Variants in PDSS2 observed in about 807,000 individuals in gnomAD.
The protein encoded by PDSS2 is decaprenyl diphosphate synthase subunit 2, also known as all trans-polyprenyl-diphosphate synthase PDSS2.
In PDSS2, 31 loss-of-function variants were observed where a neutral mutation model predicts 44.5. The observed-to-expected ratio is 0.70, with a 90% CI of 0.52 to 0.94. PDSS2 has a LOEUF of 0.94. Among genes scored for constraint, PDSS2 ranks in the 40% least tolerant of loss-of-function variants. The probability of loss-of-function intolerance (pLI) is 0.00; values close to 1 mark genes in which losing one functional copy is unlikely to be tolerated. For synonymous variants in PDSS2, 157 were observed against 180.3 expected, an observed-to-expected ratio of 0.87 and a Z score of 1.03; for missense variants, 452 against 482.2, an observed-to-expected ratio of 0.94 and a Z score of 0.59.
intron 2 of PDSS2, among the ~76,000 whole-genome samples, chr6:107,301,142 T>C (rs936491731): frequency 3.3e-5 from 5 of 152,224 alleles, no homozygotes; most frequent in Admixed American, 3.3e-4. Flanking sequence ...TAGCTTTTTA[T>C]AGTATATAAA....
At chr6:107,380,265 G>C (rs980682482) in intron 1 of PDSS2, among the ~76,000 whole-genome samples, 1 of 152,156 alleles carries the variant, frequency 6.6e-6, no homozygotes, top group African/African-American at 2.4e-5. Context: ...TGTTGACGTG[G>C]TAGGAAGGTA....
intron 2 of PDSS2, among the ~76,000 whole-genome samples, chr6:107,317,438 TAC>T (rs1417458879): frequency 6.6e-6 from 1 of 152,206 alleles, no homozygotes; most frequent in African/African-American, 2.4e-5. Context: ...TAGTATGAAC[TAC>T]AGACTTTAAT....
intron 1 of PDSS2, among the ~76,000 whole-genome samples, chr6:107,437,860 T>C (rs968630440): frequency 3.9e-5 from 6 of 152,180 alleles, no homozygotes; most frequent in Non-Finnish European, 7.4e-5. Context: ...CAGAAGATTC[T>C]TTCACTCTCG....
chr6:107,404,857 T>C (rs76525527), intron 1 of PDSS2, among the ~76,000 whole-genome samples: 5,717 of 152,240 alleles, frequency 0.038, 352 homozygotes, highest in African/African-American at 0.13. Context: ...CTGGAAAACC[T>C]TTTTAAAGAA....
intron 4 of PDSS2, among the ~76,000 whole-genome samples, chr6:107,237,537 C>G (rs2114764445): frequency 6.6e-6 from 1 of 152,132 alleles, no homozygotes; most frequent in South Asian, 2.1e-4. Flanking sequence ...GTCACCGTAC[C>G]TGGCCCTGGC....
At chr6:107,173,587 A>AC (rs1562352138) in intron 7 of PDSS2, among the ~76,000 whole-genome samples, 4 of 149,948 alleles carry the variant, frequency 2.7e-5, no homozygotes, top group African/African-American at 9.9e-5. Context: ...AAAAAAAAAA[A>AC]AAAAAAAAAA....
rs1255731463 is a variant in PDSS2, at chr6:107,362,408, G to A, written c.297-28076C>T. On this transcript the variant is annotated intron_variant, in intron 1 of 7. Transcript: ENST00000369037. ...AGTCTTTGGTTGATCACTAAGCTAT[G>A]CAGACACAAGGACAACAACTAGGAA... 2.6e-5 allele frequency among the ~76,000 whole-genome samples: 4 copies of A among 152,168 alleles called. No homozygotes were observed. The East Asian group carries it at 7.7e-4, about 29-fold the overall frequency.
chr6:107,266,000 T>C (rs1029062602), intron 3 of PDSS2, among the ~76,000 whole-genome samples: 1 of 136,954 alleles, frequency 7.3e-6, no homozygotes, highest in African/African-American at 2.5e-5. Flanking sequence ...CAAAGAAATA[T>C]TTATCGCCAC....
intron 7 of PDSS2, among the ~76,000 whole-genome samples, chr6:107,176,230 C>T (rs867237746): frequency 1.3e-5 from 2 of 151,870 alleles, no homozygotes; most frequent in African/African-American, 2.4e-5. Context: ...TTAGTAGAGA[C>T]GGGGTTTCAC....
At chr6:107,435,394 T>C (rs1264115460) in intron 1 of PDSS2, among the ~76,000 whole-genome samples, 2 of 151,992 alleles carry the variant, frequency 1.3e-5, no homozygotes, top group South Asian at 2.1e-4. Context: ...CATTGTCATA[T>C]AGTCACACTT....
intron 7 of PDSS2, among the ~76,000 whole-genome samples, chr6:107,158,001 A>G (rs1770970470): frequency 6.6e-6 from 1 of 151,972 alleles, no homozygotes; most frequent in African/African-American, 2.4e-5. Flanking sequence ...CCATTCACTT[A>G]TCTATGACTT....
rs557584594 is a variant in PDSS2, at chr6:107,356,322, C to T, written c.297-21990G>A. Reference sequence around the variant, plus strand: ...CAGTGTACTTAGACATTCTGAAGAACGGACTGAAATAATTAGCATTGTAAT... The same window carrying T: ...CAGTGTACTTAGACATTCTGAAGAATGGACTGAAATAATTAGCATTGTAAT... On this transcript the variant is annotated intron_variant, in intron 1 of 7. Coordinates refer to ENST00000369037, the MANE Select transcript of PDSS2 (RefSeq NM_020381.4). Among the ~76,000 whole-genome samples the T allele has an allele frequency of 1.8e-3, 269 of 152,272 alleles. 1 individual carries two copies. Among genetic ancestry groups the T allele is most frequent in the Non-Finnish European group, 3.3e-3 (225 of 68,014 alleles).
chr6:107,215,101 CTG>C (rs1011978732), intron 4 of PDSS2, among the ~76,000 whole-genome samples: 9 of 152,124 alleles, frequency 5.9e-5, no homozygotes, highest in Non-Finnish European at 1.2e-4. Context: ...TTTTATAAAT[CTG>C]AGAATGTATT....
At chr6:107,334,548 GT>G (rs1777818115) in intron 1 of PDSS2, among the ~76,000 whole-genome samples, 1 of 151,294 alleles carries the variant, frequency 6.6e-6, no homozygotes, top group Non-Finnish European at 1.5e-5. Flanking sequence ...TGTTGTTGTT[GT>G]TGTTGTTTTT....
chr6:107,276,149 G>C (rs1775776560), intron 2 of PDSS2, among the ~76,000 whole-genome samples: 1 of 124,292 alleles, frequency 8.0e-6, no homozygotes, highest in African/African-American at 3.0e-5. Flanking sequence ...AAAAGAAAAG[G>C]AAGCTCAGAA....
chr6:107,343,636 A>G (rs984644902), intron 1 of PDSS2, among the ~76,000 whole-genome samples: 2 of 152,234 alleles, frequency 1.3e-5, no homozygotes, highest in Admixed American at 6.5e-5. Flanking sequence ...ATGTTAAATA[A>G]AAGAATACAA....
At chr6:107,237,899 A>G (rs1250597880) in intron 4 of PDSS2, among the ~76,000 whole-genome samples, 10 of 145,240 alleles carry the variant, frequency 6.9e-5, no homozygotes, top group African/African-American at 2.5e-4. Context: ...CCGTCTCTGA[A>G]AAAAAAAAAA....
intron 7 of PDSS2, among the ~76,000 whole-genome samples, chr6:107,170,725 G>C (rs888705094): frequency 1.4e-4 from 21 of 150,776 alleles, no homozygotes; most frequent in African/African-American, 4.6e-4. Flanking sequence ...CAATTCTCTT[G>C]CCTCAGCCTC....
intron 7 of PDSS2, among the ~76,000 whole-genome samples, chr6:107,172,383 A>G (rs1344224037): frequency 1.3e-5 from 2 of 152,098 alleles, no homozygotes; most frequent in South Asian, 2.1e-4. Flanking sequence ...CAAGGAAACT[A>G]GAGAAAGACT....
Sources: gnomAD v4.1 joint callset for allele counts (sites outside exome capture counted in the v4.1 genomes callset) on GRCh38, gnomAD v4.1.1 for gene constraint, MANE v1.5 for transcripts, NCBI Gene and HGNC (gene_info 2026-07-23, HGNC 2026-07-21) for gene names.